Variants in CAMKK1 observed in about 807,000 individuals in gnomAD.
CAMKK1 encodes calcium/calmodulin dependent protein kinase kinase 1.
In CAMKK1, 20 loss-of-function variants were observed where a neutral mutation model predicts 63.5. The ratio of observed to expected loss-of-function variants is 0.32; its 90% CI spans 0.22 to 0.46. The LOEUF is 0.46. Ranked by LOEUF, CAMKK1 falls within the 20% of genes least tolerant of loss-of-function variation. The pLI is 1.00. For missense variants in CAMKK1, 588 were observed against 658.1 expected (o/e 0.89, Z 1.17); for synonymous variants, 253 against 269.0 (o/e 0.94, Z 0.58).
Position 3,869,632 on chromosome 17 carries a change from G to A in CAMKK1, c.1213-17C>T. ...AGGGTGCAACTGTCGGGGCCGGGAGGGCAGGGAGAGGGGGAGAGGTCAGGC... is the reference window on the plus strand; with the variant it reads ...AGGGTGCAACTGTCGGGGCCGGGAGAGCAGGGAGAGGGGGAGAGGTCAGGC... On this transcript the variant is annotated splice_polypyrimidine_tract_variant and intron_variant, in intron 13 of 15. Coordinates refer to ENST00000348335, the MANE Select transcript of CAMKK1 (RefSeq NM_032294.3). The A allele has an allele frequency of 1.9e-6, 3 of 1,614,094 alleles. No homozygotes were observed. Among genetic ancestry groups the A allele is most frequent in the Non-Finnish European group, 1.7e-6 (2 of 1,179,980 alleles).
rs1025541229 is a variant in CAMKK1 at position 3,890,038 on chromosome 17, C to T, written c.-44+2901G>A. 1.3e-5 allele frequency among the ~76,000 whole-genome samples: 2 copies of T among 152,232 alleles called. No homozygotes were observed. Among genetic ancestry groups the T allele is most frequent in the Non-Finnish European group, 2.9e-5 (2 of 68,040 alleles). ...AGGCGAGGGGATGGACAGCCGTGAC[C>T]AGCAGAGGACCGAACAGAAGGGAAA... On this transcript the variant is annotated intron_variant, in intron 1 of 15. Transcript: ENST00000348335. The surrounding 1 kb of genome is among the most constrained non-coding windows in gnomAD (Gnocchi z 6.5).
intron 15 of CAMKK1, among the ~76,000 whole-genome samples, chr17:3,864,543 GC>G (rs138395001): frequency 0.016 from 2,449 of 152,302 alleles, 60 homozygotes; most frequent in African/African-American, 0.056. Context: ...ACCGCACCCG[GC>G]CGTGCTGGCA....
chr17:3,885,358 C>T lies in CAMKK1; in HGVS notation c.330G>A (p.Glu110=). The change falls in exon 2 of 16, where the codon GAG becomes GAA. Residue 110 remains glutamate (E), a synonymous_variant. Transcript: ENST00000348335. ...SPRAWRRPTI[E]SHHVAISDAE... ...CATCTGAGATGGCCACGTGGTGGGA[C>T]TCGATGGTGGGCCTCCGCCAGGCCC... 1 of 1,604,198 alleles carries T rather than the reference C, an allele frequency of 6.2e-7. No individual in the cohort carries two copies. The highest frequency in any genetic ancestry group is 8.5e-7 in the Non-Finnish European group (1 of 1,173,980).
chr17:3,864,841 G>A (rs1048287906), intron 15 of CAMKK1, among the ~76,000 whole-genome samples: 5 of 152,156 alleles, frequency 3.3e-5, no homozygotes, highest in Admixed American at 6.5e-5. Context: ...TGTCCACTAC[G>A]AGGGGTCCCG....
chr17:3,867,134 T>C (rs1439428080), intron 14 of CAMKK1, among the ~76,000 whole-genome samples: 2 of 152,112 alleles, frequency 1.3e-5, no homozygotes, highest in Non-Finnish European at 2.9e-5. Context: ...GGAATGGCGA[T>C]GAGGTGTGAA....
chr17:3,873,487 G>A (rs937299899), intron 10 of CAMKK1, 25 bp from the exon 11 acceptor site: 1 of 1,613,482 alleles, frequency 6.2e-7, no homozygotes, highest in Non-Finnish European at 8.5e-7. Context: ...GCTCACATCA[G>A]TCCCCAACAG....
intron 15 of CAMKK1, 153 bp downstream of exon 15, chr17:3,865,755 G>A (rs1419852903): frequency 3.4e-6 from 5 of 1,454,330 alleles, no homozygotes; most frequent in Non-Finnish European, 4.5e-6. Context: ...CTAACCTTGG[G>A]GACAGAGATG....
chr17:3,871,838 G>C (rs185388543), intron 12 of CAMKK1, among the ~76,000 whole-genome samples: 1 of 152,038 alleles, frequency 6.6e-6, no homozygotes, highest in Non-Finnish European at 1.5e-5. Context: ...TAGAGATGGG[G>C]TTTCACCATG....
chr17:3,876,190 G>C, intron 10 of CAMKK1, 33 bp downstream of exon 10: 1 of 1,597,264 alleles, frequency 6.3e-7, no homozygotes, highest in African/African-American at 1.3e-5. Flanking sequence ...CCCCCCACTT[G>C]AACCCCAGCC....
In CAMKK1 at chr17:3,865,888, C is replaced by T; in HGVS notation, c.1445+20G>A. ...CAACTCCAGGGAGTGCCCGGCAGTC[C>T]CTGGCCCACCAGTACTTACACCAGT... is the stretch of plus-strand genomic sequence containing the variant. On this transcript the variant is annotated intron_variant, in intron 15 of 15. Transcript: ENST00000348335. 1 of 1,613,940 alleles carries T rather than the reference C, an allele frequency of 6.2e-7. No individual in the cohort carries two copies.
At chr17:3,888,680 CGGGCGGGCGGAAGGCGGCCGCGA>C (rs879278101) in intron 1 of CAMKK1, among the ~76,000 whole-genome samples, 1 of 152,230 alleles carries the variant, frequency 6.6e-6, no homozygotes, top group Non-Finnish European at 1.5e-5. Context: ...GATGGATGCG[CGGGCGGGCGGAAGGCGGCCGCGA>C]GGGCTGACGT....
chr17:3,875,422 C>T (rs1241479144), intron 10 of CAMKK1, among the ~76,000 whole-genome samples: 1 of 152,084 alleles, frequency 6.6e-6, no homozygotes, highest in Non-Finnish European at 1.5e-5. Flanking sequence ...GCTGGGACTA[C>T]AGGTGTGCAC....
chr17:3,868,684 G>A lies in CAMKK1; in HGVS notation c.1341+803C>T, dbSNP rs1288604939. ...CTTTTTTTTTTTGAGATGGAGTCTCGTTCTGTCAACCAGGCTGGAGTGCAA... is the reference window on the plus strand; with the variant it reads ...CTTTTTTTTTTTGAGATGGAGTCTCATTCTGTCAACCAGGCTGGAGTGCAA... On this transcript the variant is annotated intron_variant, in intron 14 of 15. Transcript: ENST00000348335. Among the ~76,000 whole-genome samples, 5 of 151,756 alleles carry A rather than the reference G, an allele frequency of 3.3e-5. No homozygotes were observed. In the East Asian group the frequency reaches 7.7e-4, roughly 23 times the overall value.
intron 10 of CAMKK1, among the ~76,000 whole-genome samples, chr17:3,873,773 G>A (rs1465196234): frequency 1.3e-5 from 2 of 152,146 alleles, no homozygotes; most frequent in Non-Finnish European, 2.9e-5. Flanking sequence ...CCGCTCCCGT[G>A]CCACAGACGC....
At chr17:3,880,205 G>A (rs1473354408) in intron 9 of CAMKK1, 141 bp downstream of exon 9, 14 of 563,196 alleles carry the variant, frequency 2.5e-5, no homozygotes, top group African/African-American at 3.8e-5. Context: ...CCCGCCACAC[G>A]TGCATGCCCC....
chr17:3,875,686 C>T (rs948695017), intron 10 of CAMKK1, among the ~76,000 whole-genome samples: 1 of 152,162 alleles, frequency 6.6e-6, no homozygotes, highest in African/African-American at 2.4e-5. Context: ...CAGCCATGTG[C>T]CCAGGGAACT....
rs2055495956 is a variant in CAMKK1 at position 3,883,287 on chromosome 17, ACAGGGCACATTCTGTCCC to A, written c.514+124_515-113del. ...CATGCCCGTGGTCTTGTCCCAACCCACAGGGCACATTCTGTCCCCAGGCCTCTGCTCACGCTGTCTCCC... is the reference window on the plus strand; with the variant it reads ...CATGCCCGTGGTCTTGTCCCAACCCACAGGCCTCTGCTCACGCTGTCTCCC... On this transcript the variant is annotated intron_variant, in intron 5 of 15. Coordinates refer to ENST00000348335, the MANE Select transcript of CAMKK1 (RefSeq NM_032294.3). This position sits in a 1 kb window ranked among gnomAD's most constrained non-coding sequence, Gnocchi z 4.7. 6.6e-7 allele frequency: 1 copy of A among 1,503,782 alleles called. No homozygotes were observed. Among genetic ancestry groups the A allele is most frequent in the African/African-American group, 1.4e-5 (1 of 72,554 alleles). 93.2% of individuals were successfully genotyped at this position (1,503,782 alleles called of 1,614,324 possible).
At chr17:3,872,531 G>A (rs765912536) in intron 12 of CAMKK1, 23 bp downstream of exon 12, 1 of 1,603,290 alleles carries the variant, frequency 6.2e-7, no homozygotes, top group Non-Finnish European at 8.5e-7. Flanking sequence ...TAGCCCCCTT[G>A]TTCCCCTGGG....
chr17:3,872,147 C>T (rs181664399), intron 12 of CAMKK1, among the ~76,000 whole-genome samples: 1 of 152,320 alleles, frequency 6.6e-6, no homozygotes, highest in East Asian at 1.9e-4. Context: ...CGCTCTCCTC[C>T]AGAGCATCCT....
Sources: allele counts gnomAD v4.1 joint callset (sites outside exome capture counted in the v4.1 genomes callset), GRCh38; gene constraint gnomAD v4.1.1; non-coding constraint Gnocchi (gnomAD v3.1); transcripts MANE v1.5; gene names NCBI Gene and HGNC (gene_info 2026-07-23, HGNC 2026-07-21).